CSMD3: variants seen among roughly 807,000 people sequenced by gnomAD.
The protein encoded by CSMD3 is CUB and Sushi multiple domains 3, also known as CUB and sushi domain-containing protein 3.
In CSMD3, 177 loss-of-function variants were observed where a neutral mutation model predicts 435.2. The observed-to-expected ratio is 0.41, with a 90% CI of 0.36 to 0.46. The LOEUF (loss-of-function observed/expected upper bound fraction) is 0.46. CSMD3 is among the 20% of genes least tolerant of loss of function. The pLI is 0.34. For synonymous variants in CSMD3, 1,656 were observed against 1,520.5 expected (o/e 1.09, Z -2.07); for missense variants, 4,265 against 4,504.6 (o/e 0.95, Z 1.52).
At chr8:112,463,879 A>G (rs1817688683) in intron 32 of CSMD3, among the ~76,000 whole-genome samples, 1 of 152,136 alleles carries the variant, frequency 6.6e-6, no homozygotes, top group South Asian at 2.1e-4. Flanking sequence ...GAGAAAGAAG[A>G]GCTACCATAT....
rs1468026680 is a variant in CSMD3, at chr8:112,589,072, A to G, written c.3716-1837T>C. On this transcript the variant is annotated intron_variant, in intron 22 of 70. Transcript: ENST00000297405. The stretch of plus-strand genomic sequence containing the variant: ...GAGACATGAAGTTTTGAAAATACAA[A>G]TGGTTTTAGTTCTTCTCTGTAATAA... Among the ~76,000 whole-genome samples the G allele has an allele frequency of 3.9e-5, 6 of 152,164 alleles. No homozygotes were observed. In the East Asian group the frequency reaches 1.2e-3, roughly 29 times the overall value.
chr8:112,771,578 G>C (rs1405860214), intron 13 of CSMD3, among the ~76,000 whole-genome samples: 1 of 151,726 alleles, frequency 6.6e-6, no homozygotes, highest in Non-Finnish European at 1.5e-5. Flanking sequence ...TAAAGTGTTT[G>C]GGATTGAAAG....
Position 112,536,241 on chromosome 8 carries a change from C to T in CSMD3, c.4564+14430G>A, listed in dbSNP as rs547989968. 2.7e-5 allele frequency among the ~76,000 whole-genome samples: 4 copies of T among 149,050 alleles called. No homozygotes were observed. The East Asian group carries it at 7.8e-4, about 29-fold the overall frequency. ...ACCATCAGAGTGAACAGGCAACCTA[C>T]AAAATGGGAGAAAATTTTCGCAACC... On this transcript the variant is annotated intron_variant, in intron 27 of 70. Coordinates refer to ENST00000297405, the MANE Select transcript of CSMD3 (RefSeq NM_198123.2).
intron 4 of CSMD3, among the ~76,000 whole-genome samples, chr8:113,168,712 A>G (rs908640099): frequency 1.8e-4 from 27 of 151,916 alleles, no homozygotes; most frequent in African/African-American, 6.5e-4. Flanking sequence ...GAATAGAAAT[A>G]TGGCACCAAA....
At chr8:113,305,746 C>A (rs1199423990) in intron 2 of CSMD3, among the ~76,000 whole-genome samples, 1 of 152,152 alleles carries the variant, frequency 6.6e-6, no homozygotes, top group African/African-American at 2.4e-5. Flanking sequence ...TCCTTGAGAT[C>A]TATGCAATCA....
In CSMD3 at chr8:113,066,929, C is replaced by T. The variant is rs1039827539; in HGVS notation, c.917+31827G>A. Among the ~76,000 whole-genome samples, 7 of 151,808 alleles carry T rather than the reference C, an allele frequency of 4.6e-5. No individual in the cohort carries two copies. In the South Asian group the frequency reaches 6.2e-4, roughly 14 times the overall value. ...GATCAGGAGTAGGGTGGGAATGATG[C>T]CATTTTGTTTATTTCTAAAGGAAGA... On this transcript the variant is annotated intron_variant, in intron 5 of 70. Coordinates refer to ENST00000297405, the MANE Select transcript of CSMD3 (RefSeq NM_198123.2).
chr8:112,640,151 A>G (rs940625043), intron 20 of CSMD3, among the ~76,000 whole-genome samples: 3 of 152,086 alleles, frequency 2.0e-5, no homozygotes, highest in African/African-American at 7.2e-5. Flanking sequence ...GTATTTAATT[A>G]CACTGTCAAG....
At chr8:112,599,861 G>T (rs1409006762) in intron 22 of CSMD3, among the ~76,000 whole-genome samples, 1 of 85,858 alleles carries the variant, frequency 1.2e-5, no homozygotes, top group African/African-American at 5.2e-5. Flanking sequence ...ACACTCTGGG[G>T]ACTGTGGTGG....
rs138005832 is a variant in CSMD3 at position 113,288,442 on chromosome 8, C to T, written c.402-9738G>A. On this transcript the variant is annotated intron_variant, in intron 2 of 70. Transcript: ENST00000297405. ...CATGAAATACACTACTAAAAATTTT[C>T]TTCAAAAGTCAACCTTTCCAATTTG... 2.9e-3 allele frequency among the ~76,000 whole-genome samples: 433 copies of T among 151,928 alleles called. 3 individuals are homozygous for T. Among genetic ancestry groups the T allele is most frequent in the African/African-American group, 9.7e-3 (403 of 41,530 alleles).
rs527484701 is a variant in CSMD3 at position 112,951,287 on chromosome 8, T to A, written c.1420+3397A>T. Among the ~76,000 whole-genome samples the A allele has an allele frequency of 3.9e-5, 6 of 151,980 alleles. No individual in the cohort carries two copies. In the East Asian group the frequency reaches 7.7e-4, roughly 20 times the overall value. On this transcript the variant is annotated intron_variant, in intron 8 of 70. Transcript: ENST00000297405. ...TCACTTTTACTTCTTTTAATTTGCATAGCAACTTGCAGCATTTTAAGAATA... is the reference window on the plus strand; with the variant it reads ...TCACTTTTACTTCTTTTAATTTGCAAAGCAACTTGCAGCATTTTAAGAATA...
At chr8:112,444,621 A>G (rs1815395153) in intron 32 of CSMD3, among the ~76,000 whole-genome samples, 1 of 152,254 alleles carries the variant, frequency 6.6e-6, no homozygotes, top group Admixed American at 6.5e-5. Flanking sequence ...TAGTGCATAC[A>G]GTAATATTTC....
rs549399033 is a variant in CSMD3, at chr8:112,361,159, T to C, written c.6137-8625A>G. Among the ~76,000 whole-genome samples, 14 of 152,010 alleles carry C rather than the reference T, an allele frequency of 9.2e-5. No individual in the cohort carries two copies. In the East Asian group the frequency reaches 2.7e-3, roughly 29 times the overall value. On this transcript the variant is annotated intron_variant, in intron 38 of 70. Coordinates refer to ENST00000297405, the MANE Select transcript of CSMD3 (RefSeq NM_198123.2). ...CTGCTTAACAAAAGACATCAAAACA[T>C]TGAGTCATTTTAAGGTTCATGAGTA...
At chr8:112,530,804 C>T (rs1313323213) in intron 27 of CSMD3, among the ~76,000 whole-genome samples, 2 of 152,194 alleles carry the variant, frequency 1.3e-5, no homozygotes, top group African/African-American at 4.8e-5. Flanking sequence ...GAGCCAATAC[C>T]CACAGAGGGA....
chr8:112,896,867 C>T (rs1432084465), intron 10 of CSMD3, among the ~76,000 whole-genome samples: 1 of 151,388 alleles, frequency 6.6e-6, no homozygotes, highest in East Asian at 2.0e-4. Flanking sequence ...AAACAAGCTT[C>T]CATACCTTGG....
chr8:113,404,031 A>C (rs2129664307), intron 1 of CSMD3, among the ~76,000 whole-genome samples: 1 of 151,548 alleles, frequency 6.6e-6, no homozygotes, highest in Admixed American at 6.6e-5. Flanking sequence ...TTGAAATGTT[A>C]CTTTTTATTA....
chr8:113,178,911 G>A (rs1564396997), intron 3 of CSMD3, among the ~76,000 whole-genome samples: 2 of 151,800 alleles, frequency 1.3e-5, no homozygotes, highest in Non-Finnish European at 2.9e-5. Flanking sequence ...ATATGAAGGA[G>A]AACTATTTCC....
intron 5 of CSMD3, among the ~76,000 whole-genome samples, chr8:113,042,546 C>T (rs558173900): frequency 6.6e-6 from 1 of 152,014 alleles, no homozygotes; most frequent in Non-Finnish European, 1.5e-5. Flanking sequence ...GTGTATTTAT[C>T]TTATGCTCAG....
At chr8:112,973,775 G>C (rs890765300) in intron 7 of CSMD3, among the ~76,000 whole-genome samples, 1 of 151,838 alleles carries the variant, frequency 6.6e-6, no homozygotes, top group African/African-American at 2.4e-5. Context: ...TGTGTCTAGA[G>C]TGTAATAGAT....
intron 5 of CSMD3, among the ~76,000 whole-genome samples, chr8:113,079,194 T>C (rs2089460415): frequency 2.6e-5 from 4 of 152,184 alleles, no homozygotes; most frequent in Non-Finnish European, 4.4e-5. Context: ...ATGATTGAGA[T>C]AGTATAATCA....
Sources: allele counts gnomAD v4.1 joint callset (sites outside exome capture counted in the v4.1 genomes callset), GRCh38; gene constraint gnomAD v4.1.1; transcripts MANE v1.5; gene names NCBI Gene and HGNC (gene_info 2026-07-23, HGNC 2026-07-21).